TBL2: variants seen among roughly 807,000 people sequenced by gnomAD.
TBL2 encodes transducin beta-like protein 2.
A neutral mutation model predicts 41.8 loss-of-function variants in TBL2; 33 were observed. The ratio of observed to expected loss-of-function variants is 0.79; its 90% CI spans 0.60 to 1.06. TBL2 has a LOEUF of 1.06. TBL2 is among the 50% of genes least tolerant of loss of function. TBL2 has a pLI of 0.00. For missense variants in TBL2, 522 were observed against 603.8 expected (o/e 0.86, Z 1.42); for synonymous variants, 239 against 241.7 (o/e 0.99, Z 0.10).
intron 1 of TBL2, among the ~76,000 whole-genome samples, chr7:73,577,141 G>T (rs1554589111): frequency 1.3e-5 from 2 of 151,466 alleles, no homozygotes; most frequent in Non-Finnish European, 2.9e-5. Context: ...GACGCCTGTA[G>T]TCCCAGCTAC....
rs781909166 is a variant in TBL2, at chr7:73,570,850, G to A, written c.1001C>T (p.Pro334Leu). The A allele has an allele frequency of 2.7e-5, 44 of 1,613,588 alleles. No individual in the cohort carries two copies. Among genetic ancestry groups the A allele is most frequent in the Non-Finnish European group, 3.6e-5 (42 of 1,180,026 alleles). Reference sequence around the variant, plus strand: ...GTTGGGGGAGAGGGCCAGGCGGCACGGCGCGGCACCCGCCGCCTCTTCAAA... The same window carrying A: ...GTTGGGGGAGAGGGCCAGGCGGCACAGCGCGGCACCCGCCGCCTCTTCAAA... ...GRFEEAAGAA[P>L]CRLALSPNAQ... The change falls in exon 7 of 7, where the codon CCG becomes CTG. Residue 334 changes from proline (P) to leucine (L), a missense_variant. Pro to Leu is a moderately conservative substitution (Grantham distance 98). Transcript: ENST00000305632.
In TBL2 at chr7:73,570,736, T is replaced by C. The variant is rs782342321; in HGVS notation, c.1115A>G (p.His372Arg). 3 of 1,614,082 alleles carry C rather than the reference T, an allele frequency of 1.9e-6. No homozygotes were observed. The highest frequency in any genetic ancestry group is 1.3e-5 in the African/African-American group (1 of 74,950). Residue 372 changes from histidine to arginine, a missense_variant, in exon 7 of 7, where the codon CAT becomes CGT. His to Arg is a conservative substitution (Grantham distance 29, BLOSUM62 0). Transcript: ENST00000305632. The stretch of plus-strand genomic sequence containing the variant: ...GGACAAGTTGGCGATACACTCGCCA[T>C]GGACCCGCTCAAAGCACTCCTCCTT... ...GEKEECFERV[H>R]GECIANLSFD...
At chr7:73,574,811 CAA>C in intron 1 of TBL2, 1 of 440,916 alleles carries the variant, frequency 2.3e-6, no homozygotes. Flanking sequence ...GACCCTGTCT[CAA>C]AAAAAAACAA....
rs188643293 is a variant in TBL2 at position 73,571,487 on chromosome 7, T to A, written c.726-146A>T. 2.8e-4 allele frequency: 326 copies of A among 1,159,484 alleles called. 1 individual carries two copies. Among genetic ancestry groups the A allele is most frequent in the Non-Finnish European group, 1.0e-4 (86 of 840,616 alleles). 71.8% of individuals were successfully genotyped at this position (1,159,484 alleles called of 1,614,324 possible). A position where few individuals can be genotyped will look rare whatever the true frequency, so the allele number is the denominator to read the frequency against. On this transcript the variant is annotated intron_variant, in intron 5 of 6. Transcript: ENST00000305632. ...AAAGAGTTATTTTGGCCGGGCGCGG[T>A]GGCTCACGCCTGTCATCCCAGCACT...
In TBL2 at chr7:73,570,554, T is replaced by C. The variant is rs906734280; in HGVS notation, c.1297A>G (p.Thr433Ala). 6.2e-7 allele frequency: 1 copy of C among 1,602,792 alleles called. No individual in the cohort carries two copies. The highest frequency in any genetic ancestry group is 8.5e-7 in the Non-Finnish European group (1 of 1,174,958). Residue 433 changes from threonine (T) to alanine (A), a missense_variant, in exon 7 of 7, where the codon ACC becomes GCC. Coordinates refer to ENST00000305632, the MANE Select transcript of TBL2 (RefSeq NM_012453.4). ...STRQRLQQQL[T>A]QAQETLKSLG... ...CTCTTCAGGGTCTCTTGGGCCTGGGTCAGCTGCTGCTGCAGCCTCTGGCGG... is the reference window on the plus strand; with the variant it reads ...CTCTTCAGGGTCTCTTGGGCCTGGGCCAGCTGCTGCTGCAGCCTCTGGCGG...
In TBL2 at chr7:73,574,510, T is replaced by C. The variant is rs1793171727; in HGVS notation, c.134A>G (p.Gln45Arg). 1.2e-6 allele frequency: 2 copies of C among 1,614,102 alleles called. No homozygotes were observed. Among genetic ancestry groups the C allele is most frequent in the African/African-American group, 1.3e-5 (1 of 74,940 alleles). ...GTCAGGTGGAAATCCATTTGCTTTT[T>C]GGCCTATAAGGAAGGGCCATGTTGT... ...GEERSGRPACQKANGFPPDKS... is the reference protein window; with the variant it reads ...GEERSGRPACRKANGFPPDKS... Residue 45 changes from glutamine (Q) to arginine (R), a missense_variant, in exon 2 of 7, where the codon CAA (glutamine) becomes CGA (arginine). Gln to Arg is a conservative substitution (Grantham distance 43). Coordinates refer to ENST00000305632, the MANE Select transcript of TBL2 (RefSeq NM_012453.4).
chr7:73,573,209 T>TG (rs1214172870), intron 4 of TBL2, 111 bp downstream of exon 4: 1 of 1,500,276 alleles, frequency 6.7e-7, no homozygotes, highest in African/African-American at 1.4e-5. Flanking sequence ...AGGGACCCCT[T>TG]GTTCCTCTCA....
chr7:73,570,717 G>C lies in TBL2; in HGVS notation c.1134C>G (p.Asn378Lys), dbSNP rs782447717. Reference sequence around the variant, plus strand: ...AGCGGCCAGTGATGTCAAAGGACAAGTTGGCGATACACTCGCCATGGACCC... The same window carrying C: ...AGCGGCCAGTGATGTCAAAGGACAACTTGGCGATACACTCGCCATGGACCC... ...FERVHGECIA[N>K]LSFDITGRFL... The change falls in exon 7 of 7, where the codon AAC (asparagine) becomes AAG (lysine). Residue 378 changes from asparagine to lysine, a missense_variant. By Grantham distance (94) the Asn-to-Lys change is moderately conservative (BLOSUM62 0). Coordinates refer to ENST00000305632, the MANE Select transcript of TBL2 (RefSeq NM_012453.4). The C allele has an allele frequency of 1.8e-5, 29 of 1,614,058 alleles. No individual in the cohort carries two copies. The highest frequency in any genetic ancestry group is 2.5e-5 in the Non-Finnish European group (29 of 1,180,032).
chr7:73,578,490 G>T lies in TBL2; in HGVS notation c.60C>A (p.Ala20=). 6.3e-7 allele frequency: 1 copy of T among 1,586,984 alleles called. No individual in the cohort carries two copies. Among genetic ancestry groups the T allele is most frequent in the South Asian group, 1.1e-5 (1 of 87,984 alleles). The change falls in exon 1 of 7, where the codon GCC becomes GCA. Residue 20 remains alanine, a synonymous_variant. Transcript: ENST00000305632. Reference sequence around the variant, plus strand: ...GCGCTACCGCCGCCGTCGCCATCAGGGCCAGCAGCCCAAGCAACACCGACA... The same window carrying T: ...GCGCTACCGCCGCCGTCGCCATCAGTGCCAGCAGCCCAAGCAACACCGACA... ...MGLSVLLGLL[A]LMATAAVARG...
At chr7:73,571,688 G>A (rs1792965058) in intron 5 of TBL2, 2 of 261,656 alleles carry the variant, frequency 7.6e-6, no homozygotes, top group African/African-American at 2.2e-5. Context: ...CCTGGTAGGT[G>A]GAGGTTGCAG....
intron 5 of TBL2, chr7:73,572,088 A>C (rs1554587745): frequency 4.5e-5 from 7 of 155,652 alleles, no homozygotes; most frequent in Non-Finnish European, 5.7e-5. Context: ...CAACCACAAC[A>C]AAAAAGTTCT....
rs1793117726 is a variant in TBL2, at chr7:73,573,744, T to C, written c.446+194A>G. 23 of 769,372 alleles carry C rather than the reference T, an allele frequency of 3.0e-5. 1 individual carries two copies. The South Asian group carries it at 3.6e-4, about 12-fold the overall frequency. The allele number at this position is 769,372 out of a possible 1,614,324, so 47.7% of individuals were successfully genotyped here. On this transcript the variant is annotated intron_variant, in intron 3 of 6. Transcript: ENST00000305632. ...TTCCAGGTAGGAAGAGACCTCCCCC[T>C]GTTTCCTTGCTGTATAGCAGCCCAG...
chr7:73,571,204 G>A lies in TBL2; in HGVS notation c.863C>T (p.Ser288Phe), dbSNP rs1554587466. The change falls in exon 6 of 7, where the codon TCC (serine) becomes TTC (phenylalanine). Residue 288 changes from serine (S) to phenylalanine (F), a missense_variant. By Grantham distance (155) the Ser-to-Phe change is radical (BLOSUM62 -2). Transcript: ENST00000305632. ...ATTCACTCACCTCCGTGAGTCGTTG[G>A]AGAAAGCAAACGAGTGCACAGCCGC... ...HSAAVHSFAF[S>F]NDSRRMASVS... 1.2e-6 allele frequency: 2 copies of A among 1,614,218 alleles called. No individual in the cohort carries two copies. Among genetic ancestry groups the A allele is most frequent in the African/African-American group, 2.7e-5 (2 of 75,074 alleles).
intron 1 of TBL2, chr7:73,578,171 TG>T: frequency 7.1e-7 from 1 of 1,399,038 alleles, no homozygotes; most frequent in Non-Finnish European, 9.6e-7. Context: ...GGGGACGGCC[TG>T]GCCTCGGCCA....
At position 73,568,073 on chromosome 7, in the gene TBL2, C is replaced by T. The variant is rs1792716341; in HGVS notation, c.*2434G>A. Among the ~76,000 whole-genome samples the T allele has an allele frequency of 6.6e-6, 1 of 152,208 alleles. No homozygotes were observed. The highest frequency in any genetic ancestry group is 2.1e-4 in the South Asian group (1 of 4,832). On this transcript the variant is annotated 3_prime_UTR_variant, in exon 7 of 7. Coordinates refer to ENST00000305632, the MANE Select transcript of TBL2 (RefSeq NM_012453.4). ...TACTCCTCAGGCCTTGTGTGCACAGCATTGCCAAAAGTCTGTGGTTAGGAA... is the reference window on the plus strand; with the variant it reads ...TACTCCTCAGGCCTTGTGTGCACAGTATTGCCAAAAGTCTGTGGTTAGGAA...
At chr7:73,578,160 C>G (rs1793457413) in intron 1 of TBL2, 5 of 1,309,890 alleles carry the variant, frequency 3.8e-6, no homozygotes, top group East Asian at 2.6e-5. Flanking sequence ...CTGGCCACCC[C>G]GGGGACGGCC....
Position 73,578,421 on chromosome 7 carries a change from G to A in TBL2, c.129C>T (p.Ala43=). 2.0e-6 allele frequency: 3 copies of A among 1,526,354 alleles called. No homozygotes were observed. The highest frequency in any genetic ancestry group is 2.6e-6 in the Non-Finnish European group (3 of 1,138,166). The allele number at this position is 1,526,354 out of a possible 1,614,324, so 94.6% of individuals were successfully genotyped here. Residue 43 remains alanine, a splice_region_variant and synonymous_variant, in exon 1 of 7, where the codon GCC becomes GCT. Transcript: ENST00000305632. ...RAGEERSGRP[A]CQKANGFPPD... ...CCCACCCGACCCGGCCCCACTTACA[G>A]GCGGGCCGGCCGCTCCTCTCCTCCC...
intron 4 of TBL2, 36 bp downstream of exon 4, chr7:73,573,284 G>A (rs1554588138): frequency 1.2e-6 from 2 of 1,610,994 alleles, no homozygotes; most frequent in Non-Finnish European, 8.5e-7. Flanking sequence ...TTTCCTTCAT[G>A]CTTTGGGCAG....
intron 1 of TBL2, 29 bp from the exon 2 acceptor site, chr7:73,574,542 G>A (rs552992175): frequency 6.2e-7 from 1 of 1,614,154 alleles, no homozygotes; most frequent in Non-Finnish European, 8.5e-7. Context: ...TTGTTCTCCA[G>A]TTACTCACTG....
Sources: gnomAD v4.1 joint callset for allele counts (sites outside exome capture counted in the v4.1 genomes callset) on GRCh38, gnomAD v4.1.1 for gene constraint, MANE v1.5 for transcripts, NCBI Gene and HGNC (gene_info 2026-07-23, HGNC 2026-07-21) for gene names.